PAICS: variants seen among roughly 807,000 people sequenced by gnomAD.
PAICS encodes phosphoribosylaminoimidazole carboxylase and phosphoribosylaminoimidazolesuccinocarboxamide synthase, also known as bifunctional phosphoribosylaminoimidazole carboxylase/phosphoribosylaminoimidazole succinocarboxamide synthetase.
In PAICS, 33 loss-of-function variants were observed where a neutral mutation model predicts 53.7. The observed-to-expected ratio is 0.61, with a 90% CI of 0.47 to 0.82. The LOEUF is 0.82. Ranked by LOEUF, PAICS falls within the 40% of genes least tolerant of loss-of-function variation. The pLI is 0.00. For missense variants in PAICS, 394 were observed against 494.1 expected (o/e 0.80, Z 1.92); for synonymous variants, 141 against 167.2 (o/e 0.84, Z 1.21).
At chr4:56,442,099 T>A in intron 2 of PAICS, 1 of 421,146 alleles carries the variant, frequency 2.4e-6, no homozygotes, top group Admixed American at 4.2e-5. Context: ...ATCTGGCACA[T>A]GCACTCTCTG....
At chr4:56,413,151 GT>G in the PAICS span, among the ~76,000 whole-genome samples, 10 of 67,278 alleles carry the variant, frequency 1.5e-4, no homozygotes, top group African/African-American at 4.3e-4. Context: ...CTTGTTTTTG[GT>G]TTTTGGTTTT....
intron 8 of PAICS, among the ~76,000 whole-genome samples, chr4:56,456,010 T>C (rs916264577): frequency 6.6e-6 from 1 of 152,182 alleles, no homozygotes; most frequent in African/African-American, 2.4e-5. Flanking sequence ...TGGGCTTCCC[T>C]TGATTTCTAT....
At chr4:56,445,844 T>C (rs1718588785) in intron 2 of PAICS, among the ~76,000 whole-genome samples, 1 of 152,222 alleles carries the variant, frequency 6.6e-6, no homozygotes, top group Non-Finnish European at 1.5e-5. Flanking sequence ...GGAGATATTT[T>C]AAATCATGTT....
chr4:56,446,075 T>C (rs1366025751), intron 2 of PAICS, among the ~76,000 whole-genome samples: 1 of 152,222 alleles, frequency 6.6e-6, no homozygotes, highest in Non-Finnish European at 1.5e-5. Context: ...AAAAGATGTA[T>C]TTAAAATGGT....
chr4:56,437,831 A>AAG (rs1348880139), intron 1 of PAICS, among the ~76,000 whole-genome samples: 2 of 150,442 alleles, frequency 1.3e-5, no homozygotes, highest in African/African-American at 4.9e-5. Flanking sequence ...AAAAAAAAAA[A>AAG]AAAAAAAAAA....
intron 1 of PAICS, among the ~76,000 whole-genome samples, chr4:56,437,752 CAG>C (rs1439106452): frequency 2.2e-5 from 3 of 135,808 alleles, no homozygotes; most frequent in Non-Finnish European, 3.0e-5. Context: ...ACCGGGGAGT[CAG>C]AGGCTGCAGT....
chr4:56,414,524 A>C, the PAICS span, among the ~76,000 whole-genome samples: 1 of 152,204 alleles, frequency 6.6e-6, no homozygotes, highest in Non-Finnish European at 1.5e-5. Flanking sequence ...TATTTTATAC[A>C]AATGTATCGC....
chr4:56,420,543 G>GTATACTAA, the PAICS span: 1 of 152,150 alleles, frequency 6.6e-6, no homozygotes, highest in Non-Finnish European at 1.5e-5. Flanking sequence ...GTATACATTT[G>GTATACTAA]ATCTTCCCCA....
chr4:56,411,327 C>T, the PAICS span, among the ~76,000 whole-genome samples: 6 of 152,116 alleles, frequency 3.9e-5, no homozygotes, highest in African/African-American at 7.2e-5. Flanking sequence ...ATTTAATTTG[C>T]GTTTTCCTAA....
upstream of PAICS, among the ~76,000 whole-genome samples, chr4:56,434,617 C>T (rs1185079122): frequency 6.6e-6 from 1 of 152,162 alleles, no homozygotes; most frequent in Admixed American, 6.5e-5. Flanking sequence ...CCCCTGTCCC[C>T]CTTTTGAAGA....
intron 8 of PAICS, among the ~76,000 whole-genome samples, chr4:56,458,012 A>G (rs1719313524): frequency 6.6e-6 from 1 of 152,212 alleles, no homozygotes; most frequent in East Asian, 1.9e-4. Flanking sequence ...CAAGCTAAAA[A>G]TCAGCGGCTA....
At chr4:56,457,489 G>A (rs1044042916) in intron 8 of PAICS, among the ~76,000 whole-genome samples, 6 of 152,166 alleles carry the variant, frequency 3.9e-5, no homozygotes, top group African/African-American at 1.2e-4. Flanking sequence ...AGTGGGGAAG[G>A]AGATTTGAGG....
chr4:56,438,733 A>G (rs1718181695), intron 1 of PAICS, among the ~76,000 whole-genome samples: 1 of 151,924 alleles, frequency 6.6e-6, no homozygotes, highest in Non-Finnish European at 1.5e-5. Context: ...GCCCATTTTA[A>G]TATATTTTAT....
intron 1 of PAICS, among the ~76,000 whole-genome samples, chr4:56,440,878 T>C (rs1465322533): frequency 6.6e-6 from 1 of 152,206 alleles, no homozygotes; most frequent in Non-Finnish European, 1.5e-5. Flanking sequence ...TTTCTCTCTT[T>C]CGAAATTTTA....
the PAICS span, among the ~76,000 whole-genome samples, chr4:56,429,474 C>T: frequency 6.6e-6 from 1 of 152,162 alleles, no homozygotes; most frequent in Admixed American, 6.5e-5. Context: ...AATGACCCAT[C>T]ACAGACATCA....
At chr4:56,431,405 TG>T (rs961969976), upstream of PAICS, 2 of 977,698 alleles carry the variant, frequency 2.0e-6, no homozygotes, top group Admixed American at 6.2e-5. Flanking sequence ...GGTAATGTTC[TG>T]TACTCTGTTT....
In PAICS at chr4:56,457,541, T is replaced by C. The variant is rs370845471; in HGVS notation, c.1112-1831T>C. On this transcript the variant is annotated intron_variant, in intron 8 of 8. Coordinates refer to ENST00000512576, the MANE Select transcript of PAICS (RefSeq NM_001079524.2). The stretch of plus-strand genomic sequence containing the variant: ...GACTTCGAGTCAGTCATCTTCTTCT[T>C]AGTCCCTATTCCCTTCCAAAGGTAT... 8.5e-5 allele frequency among the ~76,000 whole-genome samples: 13 copies of C among 152,332 alleles called. No individual in the cohort carries two copies. In the East Asian group the frequency reaches 2.1e-3, roughly 25 times the overall value.
At chr4:56,456,730 T>C (rs1276546006) in intron 8 of PAICS, among the ~76,000 whole-genome samples, 2 of 147,558 alleles carry the variant, frequency 1.4e-5, no homozygotes, top group Non-Finnish European at 3.0e-5. Flanking sequence ...TTTTACACAA[T>C]GTTTTTATAT....
intron 6 of PAICS, 109 bp from the exon 7 acceptor site, chr4:56,451,761 ATC>A (rs1718928875): frequency 3.5e-6 from 2 of 565,110 alleles, no homozygotes; most frequent in African/African-American, 1.9e-5. Context: ...CTTAAATTTG[ATC>A]TGTTAAGAAA....
Sources: gnomAD v4.1 joint callset for allele counts (sites outside exome capture counted in the v4.1 genomes callset) on GRCh38, gnomAD v4.1.1 for gene constraint, MANE v1.5 for transcripts, NCBI Gene and HGNC (gene_info 2026-07-23, HGNC 2026-07-21) for gene names.